The following MED12L variants were observed in gnomAD, a reference collection of about 807,000 sequenced individuals.
The protein encoded by MED12L is mediator complex subunit 12L, also known as mediator of RNA polymerase II transcription subunit 12-like protein.
In MED12L, 60 loss-of-function variants were observed where a neutral mutation model predicts 281.3. The ratio of observed to expected loss-of-function variants is 0.21; its 90% CI spans 0.17 to 0.26. The LOEUF (loss-of-function observed/expected upper bound fraction) is 0.26. Ranked by LOEUF, MED12L falls within the 10% of genes least tolerant of loss-of-function variation. The probability of loss-of-function intolerance (pLI) is 1.00; values close to 1 mark genes in which losing one functional copy is unlikely to be tolerated. For synonymous variants in MED12L, 974 were observed against 987.2 expected (o/e 0.99, Z 0.25); for missense variants, 2,146 against 2,680.9 (o/e 0.80, Z 4.41).
At chr3:151,388,282 T>C (rs1713734646) in intron 37 of MED12L, 110 bp downstream of exon 37, 1 of 1,362,212 alleles carries the variant, frequency 7.3e-7, no homozygotes, top group South Asian at 1.5e-5. Flanking sequence ...TAAGTTTTGT[T>C]ATGACAGTTC....
At chr3:151,191,204 G>T (rs1723933822) in intron 14 of MED12L, among the ~76,000 whole-genome samples, 1 of 152,144 alleles carries the variant, frequency 6.6e-6, no homozygotes, top group Non-Finnish European at 1.5e-5. Flanking sequence ...TATACTTTCA[G>T]TTCTAGATGT....
intron 16 of MED12L, chr3:151,198,472 C>A: frequency 6.2e-7 from 1 of 1,611,462 alleles, no homozygotes; most frequent in Non-Finnish European, 8.5e-7. Flanking sequence ...GAGCCTTGGT[C>A]TCTTTAGGTG....
At chr3:151,156,519 T>C (rs1719309180) in intron 6 of MED12L, among the ~76,000 whole-genome samples, 189 bp downstream of exon 6, 1 of 152,268 alleles carries the variant, frequency 6.6e-6, no homozygotes, top group South Asian at 2.1e-4. Context: ...CAGCTTATTA[T>C]ACATATTGAT....
chr3:151,094,611 G>A (rs1003212622), intron 2 of MED12L, among the ~76,000 whole-genome samples: 4 of 152,286 alleles, frequency 2.6e-5, no homozygotes, highest in Non-Finnish European at 5.9e-5. Context: ...CTTAGAAAAT[G>A]TGTATGTATA....
At chr3:151,226,781 T>A (rs1414844753) in intron 16 of MED12L, among the ~76,000 whole-genome samples, 1 of 152,242 alleles carries the variant, frequency 6.6e-6, no homozygotes, top group Non-Finnish European at 1.5e-5. Context: ...TGCCAGTTTC[T>A]AAAAGTATTT....
chr3:151,239,609 C>A (rs1296798758), intron 16 of MED12L, among the ~76,000 whole-genome samples: 4 of 152,140 alleles, frequency 2.6e-5, no homozygotes, highest in Non-Finnish European at 4.4e-5. Flanking sequence ...ATAACTGTCA[C>A]AATTTTAATT....
intron 3 of MED12L, among the ~76,000 whole-genome samples, chr3:151,120,125 C>G (rs927401103): frequency 2.1e-4 from 31 of 150,980 alleles, no homozygotes; most frequent in African/African-American, 7.6e-4. Flanking sequence ...CTCTGAGAGG[C>G]TGAGGCAGGA....
chr3:151,164,048 CTT>C lies in MED12L; in HGVS notation c.1257+8_1257+9del, dbSNP rs1272186168. 8.1e-6 allele frequency: 13 copies of C among 1,611,892 alleles called. No individual in the cohort carries two copies. Among genetic ancestry groups the C allele is most frequent in the Non-Finnish European group, 1.1e-5 (13 of 1,178,852 alleles). On this transcript the variant is annotated splice_region_variant and intron_variant, in intron 9 of 44. Coordinates refer to ENST00000687756, the MANE Select transcript of MED12L (RefSeq NM_001393769.1). Reference sequence around the variant, plus strand: ...ACACGGCTTTCAATCAGCAGGTAGACTTTATGTTTCAGTGATTTGATGGCTGT... The same window carrying C: ...ACACGGCTTTCAATCAGCAGGTAGACTATGTTTCAGTGATTTGATGGCTGT...
intron 16 of MED12L, among the ~76,000 whole-genome samples, chr3:151,345,506 TTTTTC>T (rs1234872485): frequency 3.5e-5 from 5 of 142,500 alleles, no homozygotes; most frequent in African/African-American, 4.9e-5. Context: ...TTTTCTTTCT[TTTTTC>T]TTTTTCTTTT....
intron 5 of MED12L, among the ~76,000 whole-genome samples, chr3:151,148,579 A>T (rs548936146): frequency 1.3e-5 from 2 of 152,312 alleles, no homozygotes; most frequent in South Asian, 4.1e-4. Flanking sequence ...CTAAAGAAGG[A>T]TTTCCAAGGA....
chr3:151,277,186 G>A (rs1480020094), intron 16 of MED12L, among the ~76,000 whole-genome samples: 2 of 151,348 alleles, frequency 1.3e-5, no homozygotes, highest in Non-Finnish European at 2.9e-5. Flanking sequence ...TTACAGGTGT[G>A]AGCCACCATG....
chr3:151,412,883 G>A (rs929276449), intron 41 of MED12L, among the ~76,000 whole-genome samples: 8 of 152,032 alleles, frequency 5.3e-5, no homozygotes, highest in Non-Finnish European at 7.3e-5. Flanking sequence ...AATATTCCTC[G>A]TTGTTAAAAA....
At chr3:151,388,357 CT>C (rs1346674157) in intron 37 of MED12L, among the ~76,000 whole-genome samples, 185 bp downstream of exon 37, 5 of 152,162 alleles carry the variant, frequency 3.3e-5, no homozygotes. Context: ...AAGATTAAAG[CT>C]TTTGATTTTC....
intron 16 of MED12L, among the ~76,000 whole-genome samples, chr3:151,302,431 A>G (rs1746064233): frequency 6.6e-6 from 1 of 152,228 alleles, no homozygotes; most frequent in Non-Finnish European, 1.5e-5. Flanking sequence ...TGCTTGCCCC[A>G]TAATCTTTTG....
chr3:151,320,871 G>C (rs2149821286), intron 16 of MED12L, among the ~76,000 whole-genome samples: 1 of 152,292 alleles, frequency 6.6e-6, no homozygotes, highest in South Asian at 2.1e-4. Flanking sequence ...CCACTTAGCA[G>C]CTTTTTTTAC....
chr3:151,165,976 C>G lies in MED12L; in HGVS notation c.1488C>G (p.Asn496Lys). The G allele has an allele frequency of 6.3e-7, 1 of 1,599,550 alleles. No homozygotes were observed. The highest frequency in any genetic ancestry group is 8.5e-7 in the Non-Finnish European group (1 of 1,175,238). ...KIFWANQNKD[N>K]QEVAPNDEAV... The stretch of plus-strand genomic sequence containing the variant: ...TCTGGGCAAACCAAAACAAAGATAA[C>G]CAAGAGGTAGTTAATTTTTTTTTAA... Residue 496 changes from asparagine to lysine, a missense_variant, in exon 11 of 45, where the codon AAC (asparagine) becomes AAG (lysine). Asn to Lys is a moderately conservative substitution (Grantham distance 94, BLOSUM62 0). This residue lies in a region of MED12L where 722 missense variants were observed against 861.2 expected (regional missense o/e 0.84). Transcript: ENST00000687756.
chr3:151,163,934 T>C lies in MED12L; in HGVS notation c.1149T>C (p.Tyr383=). The C allele has an allele frequency of 6.2e-7, 1 of 1,613,810 alleles. No homozygotes were observed. The highest frequency in any genetic ancestry group is 8.5e-7 in the Non-Finnish European group (1 of 1,179,838). ...LCCPSALVWN[Y]STNENKSANP... ...GCCCAAGTGCCTTGGTGTGGAATTA[T>C]TCCACAAATGAAAATAAGAGCGCAA... The change falls in exon 9 of 45, where the codon TAT becomes TAC. Residue 383 remains tyrosine, a synonymous_variant. Coordinates refer to ENST00000687756, the MANE Select transcript of MED12L (RefSeq NM_001393769.1).
intron 16 of MED12L, among the ~76,000 whole-genome samples, chr3:151,228,183 A>C (rs1329640945): frequency 6.6e-6 from 1 of 152,220 alleles, no homozygotes; most frequent in Non-Finnish European, 1.5e-5. Flanking sequence ...ACAGTGCAGC[A>C]TAATGATTAC....
In MED12L at chr3:151,178,176, A is replaced by G. The variant is rs373400260; in HGVS notation, c.1495-7154A>G. 9.4e-3 allele frequency among the ~76,000 whole-genome samples: 1,420 copies of G among 150,720 alleles called. 9 individuals carry two copies. Among genetic ancestry groups the G allele is most frequent in the Non-Finnish European group, 0.014 (917 of 67,520 alleles). On this transcript the variant is annotated intron_variant, in intron 11 of 44. Coordinates refer to ENST00000687756, the MANE Select transcript of MED12L (RefSeq NM_001393769.1). ...TGGTCTCAAAAAAAAAAAAAAAAAA[A>G]AAAAAAAAGAAAGTGCCAATATGAA...
Sources: allele counts gnomAD v4.1 joint callset (sites outside exome capture counted in the v4.1 genomes callset), GRCh38; gene constraint gnomAD v4.1.1; regional missense constraint gnomAD v4.1.1; transcripts MANE v1.5; gene names NCBI Gene and HGNC (gene_info 2026-07-23, HGNC 2026-07-21).